Variants in CSNK2A2IP observed in about 807,000 individuals in gnomAD.
The protein encoded by CSNK2A2IP is casein kinase 2 subunit alpha' interacting protein.
the CSNK2A2IP span, among the ~76,000 whole-genome samples, chr3:88,362,034 T>C: frequency 6.6e-6 from 1 of 152,142 alleles, no homozygotes; most frequent in Non-Finnish European, 1.5e-5. Flanking sequence ...TTCAAGACAG[T>C]TGACAGCTAT....
the CSNK2A2IP span, among the ~76,000 whole-genome samples, chr3:88,357,889 AT>A: frequency 1.0e-3 from 155 of 150,822 alleles, 1 homozygote; most frequent in Middle Eastern, 3.4e-3. Context: ...CAAGTAGCTA[AT>A]TTTTTTTTGT....
chr3:88,421,930 C>G, the CSNK2A2IP span, among the ~76,000 whole-genome samples: 1 of 152,070 alleles, frequency 6.6e-6, no homozygotes, highest in African/African-American at 2.4e-5. Context: ...AATAAATATT[C>G]ATATTATTTC....
At chr3:88,418,961 C>G in the CSNK2A2IP span, among the ~76,000 whole-genome samples, 1 of 152,142 alleles carries the variant, frequency 6.6e-6, no homozygotes, top group East Asian at 1.9e-4. Context: ...GCTTTAGATT[C>G]TACTAGCAGT....
chr3:88,406,666 T>C, the CSNK2A2IP span, among the ~76,000 whole-genome samples: 2 of 152,210 alleles, frequency 1.3e-5, no homozygotes, highest in African/African-American at 2.4e-5. Flanking sequence ...AACATGATAC[T>C]AGTGTTTCCA....
chr3:88,346,775 G>C, the CSNK2A2IP span, among the ~76,000 whole-genome samples: 6 of 151,440 alleles, frequency 4.0e-5, no homozygotes, highest in African/African-American at 7.3e-5. Context: ...GATTAATGTT[G>C]TTAAGCCTGC....
the CSNK2A2IP span, among the ~76,000 whole-genome samples, chr3:88,446,038 C>CTTTGT: frequency 1.8e-4 from 2 of 11,326 alleles, no homozygotes; most frequent in Non-Finnish European, 4.2e-4. Context: ...TCTTTTCTTT[C>CTTTGT]TTTCTTTCTT....
the CSNK2A2IP span, among the ~76,000 whole-genome samples, chr3:88,413,460 T>C: frequency 6.6e-6 from 1 of 152,022 alleles, no homozygotes; most frequent in East Asian, 1.9e-4. Flanking sequence ...ATACTATGAT[T>C]GTTAATATTC....
the CSNK2A2IP span, among the ~76,000 whole-genome samples, chr3:88,457,695 CAAAATAAAATAAAATAAAAT>C: frequency 0.16 from 18,103 of 110,162 alleles, 1,534 homozygotes; most frequent in East Asian, 0.22. Context: ...GACTCAGTCT[CAAAATAAAATAAAATAAAAT>C]AAAATAAAAT....
At chr3:88,348,225 T>A in the CSNK2A2IP span, among the ~76,000 whole-genome samples, 1 of 152,000 alleles carries the variant, frequency 6.6e-6, no homozygotes, top group Non-Finnish European at 1.5e-5. Context: ...GACTGAGAAT[T>A]TCTGTTCTTG....
At chr3:88,414,270 GTTTTTTTTTTTTTTT>G in the CSNK2A2IP span, among the ~76,000 whole-genome samples, 1 of 64,106 alleles carries the variant, frequency 1.6e-5, no homozygotes, top group Non-Finnish European at 2.6e-5. Context: ...TACCAACAAA[GTTTTTTTTTTTTTTT>G]TTTTTTTTTT....
the CSNK2A2IP span, among the ~76,000 whole-genome samples, chr3:88,454,652 T>C: frequency 2.6e-5 from 4 of 152,070 alleles, no homozygotes; most frequent in South Asian, 2.1e-4. Flanking sequence ...TCCAGTTTTA[T>C]TGATGTATAA....
At chr3:88,446,743 G>C in the CSNK2A2IP span, among the ~76,000 whole-genome samples, 6 of 152,284 alleles carry the variant, frequency 3.9e-5, no homozygotes, top group African/African-American at 1.4e-4. Context: ...ATGAATTCTT[G>C]ATTTGACGAT....
chr3:88,418,075 G>A, the CSNK2A2IP span, among the ~76,000 whole-genome samples: 1 of 151,994 alleles, frequency 6.6e-6, no homozygotes, highest in Non-Finnish European at 1.5e-5. Context: ...ATGAGGAATT[G>A]GGACTGTAGT....
At chr3:88,428,209 C>A in the CSNK2A2IP span, among the ~76,000 whole-genome samples, 1 of 152,110 alleles carries the variant, frequency 6.6e-6, no homozygotes, top group Non-Finnish European at 1.5e-5. Flanking sequence ...TTTGTTTTAG[C>A]TAATTTCTCC....
the CSNK2A2IP span, among the ~76,000 whole-genome samples, chr3:88,377,397 G>A: frequency 3.3e-5 from 5 of 151,240 alleles, no homozygotes; most frequent in African/African-American, 1.2e-4. Flanking sequence ...GCTCTGTTAC[G>A]TCTATAACAT....
At chr3:88,458,579 T>A in the CSNK2A2IP span, among the ~76,000 whole-genome samples, 3 of 152,244 alleles carry the variant, frequency 2.0e-5, no homozygotes, top group East Asian at 5.8e-4. Context: ...TAATCTCTAC[T>A]GTTTTCTTTC....
chr3:88,430,166 C>CA, the CSNK2A2IP span, among the ~76,000 whole-genome samples: 16 of 152,182 alleles, frequency 1.1e-4, no homozygotes, highest in African/African-American at 3.9e-4. Flanking sequence ...ATGAATGTTT[C>CA]AACCAAGGAT....
the CSNK2A2IP span, among the ~76,000 whole-genome samples, chr3:88,433,695 G>C: frequency 6.6e-6 from 1 of 152,162 alleles, no homozygotes. Flanking sequence ...GCTGCAGCTA[G>C]CATCACAGTG....
chr3:88,341,065 A>C, the CSNK2A2IP span, among the ~76,000 whole-genome samples: 66,454 of 151,724 alleles, frequency 0.44, 15,795 homozygotes, highest in South Asian at 0.62. Context: ...ATGCAAATGC[A>C]TATTTACTTT....
Sources: allele counts gnomAD v4.1 joint callset (sites outside exome capture counted in the v4.1 genomes callset), GRCh38; gene constraint gnomAD v4.1.1; transcripts MANE v1.5; gene names NCBI Gene and HGNC (gene_info 2026-07-23, HGNC 2026-07-21).